Variants in PCDH9 observed in about 807,000 individuals in gnomAD.
PCDH9 encodes protocadherin-9.
PCDH9 carries 24 observed loss-of-function variants against 70.6 expected under a neutral mutation model. The ratio of observed to expected loss-of-function variants is 0.34; its 90% CI spans 0.25 to 0.48. The LOEUF (loss-of-function observed/expected upper bound fraction) is 0.48, where lower values mean the gene tolerates loss of function less well. Ranked by LOEUF, PCDH9 falls within the 20% of genes least tolerant of loss-of-function variation. The probability of loss-of-function intolerance (pLI) is 0.99; values close to 1 mark genes in which losing one functional copy is unlikely to be tolerated. For missense variants in PCDH9, 1,281 were observed against 1,503.6 expected, an observed-to-expected ratio of 0.85 and a Z score of 2.45; for synonymous variants, 562 against 558.5, an observed-to-expected ratio of 1.01 and a Z score of -0.09.
chr13:66,709,289 A>T (rs1191328658), intron 3 of PCDH9, among the ~76,000 whole-genome samples: 1 of 152,224 alleles, frequency 6.6e-6, no homozygotes, highest in Non-Finnish European at 1.5e-5. Flanking sequence ...TACATTCACA[A>T]CTATATTTTA....
chr13:66,655,289 G>C (rs1015893452), intron 3 of PCDH9, among the ~76,000 whole-genome samples: 1 of 151,942 alleles, frequency 6.6e-6, no homozygotes, highest in Non-Finnish European at 1.5e-5. Context: ...ATAAAATAAG[G>C]CCCAAAAGAG....
chr13:66,825,858 A>G (rs1472344709), intron 3 of PCDH9, among the ~76,000 whole-genome samples: 1 of 152,182 alleles, frequency 6.6e-6, no homozygotes. Context: ...ATAACTCACA[A>G]ACTACATGGC....
chr13:67,095,814 T>C (rs1176383244), intron 2 of PCDH9, among the ~76,000 whole-genome samples: 3 of 152,144 alleles, frequency 2.0e-5, no homozygotes, highest in Admixed American at 2.0e-4. Context: ...TCATGTACTG[T>C]TGGCTGTGTT....
At chr13:67,078,271 T>C (rs1594479891) in intron 2 of PCDH9, among the ~76,000 whole-genome samples, 2 of 152,216 alleles carry the variant, frequency 1.3e-5, no homozygotes, top group African/African-American at 4.8e-5. Flanking sequence ...CATCAGCTGG[T>C]CAAATTTTTC....
intron 2 of PCDH9, among the ~76,000 whole-genome samples, chr13:67,037,198 T>A (rs1317289880): frequency 6.6e-6 from 1 of 152,158 alleles, no homozygotes; most frequent in African/African-American, 2.4e-5. Context: ...AGGAGAAGTT[T>A]TGGATTTTTG....
intron 3 of PCDH9, among the ~76,000 whole-genome samples, chr13:66,888,340 T>A (rs1388621105): frequency 6.6e-6 from 1 of 151,388 alleles, no homozygotes; most frequent in Non-Finnish European, 1.5e-5. Flanking sequence ...GCAAAAAATT[T>A]AAAAAATAAA....
intron 3 of PCDH9, among the ~76,000 whole-genome samples, chr13:66,641,114 A>C (rs572573957): frequency 3.3e-5 from 5 of 152,256 alleles, no homozygotes; most frequent in Admixed American, 3.3e-4. Flanking sequence ...CCTGACCTCA[A>C]AAGTAGTGAA....
chr13:66,970,614 G>A (rs1167212826), intron 2 of PCDH9, among the ~76,000 whole-genome samples: 1 of 132,986 alleles, frequency 7.5e-6, no homozygotes, highest in Non-Finnish European at 1.6e-5. Context: ...GCCTAGGAAT[G>A]AGACCCTGTC....
chr13:66,796,264 C>T (rs1459036003), intron 3 of PCDH9, among the ~76,000 whole-genome samples: 1 of 152,102 alleles, frequency 6.6e-6, no homozygotes, highest in Non-Finnish European at 1.5e-5. Context: ...TTATATACAG[C>T]ATTGTGACAT....
intron 4 of PCDH9, among the ~76,000 whole-genome samples, chr13:66,449,058 A>G (rs1234844403): frequency 6.6e-6 from 1 of 152,210 alleles, no homozygotes; most frequent in Non-Finnish European, 1.5e-5. Flanking sequence ...AATGCAGCTC[A>G]GCAAGAGACA....
intron 4 of PCDH9, among the ~76,000 whole-genome samples, chr13:66,573,269 T>C (rs1233382581): frequency 1.3e-5 from 2 of 150,942 alleles, no homozygotes; most frequent in Non-Finnish European, 3.0e-5. Flanking sequence ...TACCTACTTT[T>C]TTTTTTTTTT....
At chr13:67,002,444 G>C (rs903779349) in intron 2 of PCDH9, among the ~76,000 whole-genome samples, 2 of 151,734 alleles carry the variant, frequency 1.3e-5, no homozygotes, top group Non-Finnish European at 2.9e-5. Context: ...AATCAAATAT[G>C]TTTGTCTGAA....
chr13:66,419,142 T>C (rs1025054603), intron 4 of PCDH9, among the ~76,000 whole-genome samples: 2 of 151,934 alleles, frequency 1.3e-5, no homozygotes, highest in African/African-American at 4.8e-5. Flanking sequence ...GGATTTTCTA[T>C]TGTTTGAAAC....
intron 4 of PCDH9, among the ~76,000 whole-genome samples, chr13:66,404,050 T>C (rs756410603): frequency 1.3e-5 from 2 of 152,154 alleles, no homozygotes; most frequent in Non-Finnish European, 2.9e-5. Context: ...ACAGCTTAAA[T>C]TTGGCAGTGC....
At chr13:67,135,523 G>A (rs537906114) in intron 2 of PCDH9, among the ~76,000 whole-genome samples, 1 of 151,668 alleles carries the variant, frequency 6.6e-6, no homozygotes, top group Non-Finnish European at 1.5e-5. Context: ...CTAAAATTAC[G>A]AAGTAGAACA....
chr13:66,868,248 G>T (rs1181294411), intron 3 of PCDH9, among the ~76,000 whole-genome samples: 1 of 151,848 alleles, frequency 6.6e-6, no homozygotes, highest in African/African-American at 2.4e-5. Context: ...GTACAACTGG[G>T]CAAATTAGGT....
At chr13:66,710,470 G>A (rs2078777411) in intron 3 of PCDH9, among the ~76,000 whole-genome samples, 2 of 152,122 alleles carry the variant, frequency 1.3e-5, no homozygotes, top group South Asian at 4.1e-4. Context: ...TTCCAACTGG[G>A]AAGCCTTTAT....
chr13:66,788,470 ATAGT>A (rs2080112856), intron 3 of PCDH9, among the ~76,000 whole-genome samples: 1 of 152,086 alleles, frequency 6.6e-6, no homozygotes, highest in African/African-American at 2.4e-5. Context: ...ATAAGAATTG[ATAGT>A]TAAGTTGAAT....
At chr13:67,224,667 G>A in intron 2 of PCDH9, 1 of 279,662 alleles carries the variant, frequency 3.6e-6, no homozygotes, top group Non-Finnish European at 5.4e-6. Context: ...ACTAAGATGA[G>A]AGAATATTTA....
Sources: allele counts gnomAD v4.1 joint callset (sites outside exome capture counted in the v4.1 genomes callset), GRCh38; gene constraint gnomAD v4.1.1; transcripts MANE v1.5; gene names NCBI Gene and HGNC (gene_info 2026-07-23, HGNC 2026-07-21).